Variants in SPMIP4 observed in about 807,000 individuals in gnomAD.
SPMIP4 encodes the protein sperm microtubule inner protein 4, also known as sperm-associated microtubule inner protein 4.
At chr7:25,137,421 C>T in the SPMIP4 span, among the ~76,000 whole-genome samples, 5 of 151,154 alleles carry the variant, frequency 3.3e-5, no homozygotes, top group South Asian at 2.1e-4. Flanking sequence ...AAACAAGTTG[C>T]GGAGTGTATT....
the SPMIP4 span, among the ~76,000 whole-genome samples, chr7:25,131,828 C>T: frequency 1.3e-5 from 2 of 152,204 alleles, no homozygotes; most frequent in African/African-American, 4.8e-5. The surrounding 1 kb of genome is among the most constrained non-coding windows in gnomAD (Gnocchi z 4.2). Flanking sequence ...GCACTTAGCC[C>T]TGCAGGAACA....
At chr7:25,129,412 C>A in the SPMIP4 span, among the ~76,000 whole-genome samples, 1 of 152,154 alleles carries the variant, frequency 6.6e-6, no homozygotes, top group African/African-American at 2.4e-5. Flanking sequence ...TGTGACAGGG[C>A]AGCACTGAGT....
At chr7:25,138,545 T>TCTAATA in the SPMIP4 span, among the ~76,000 whole-genome samples, 1 of 152,210 alleles carries the variant, frequency 6.6e-6, no homozygotes, top group Non-Finnish European at 1.5e-5. This position sits in a 1 kb window ranked among gnomAD's most constrained non-coding sequence, Gnocchi z 6.2. Context: ...GTTGCCATGT[T>TCTAATA]CTAATAAAAT....
chr7:25,149,236 T>TA, the SPMIP4 span, among the ~76,000 whole-genome samples: 78 of 151,638 alleles, frequency 5.1e-4, no homozygotes, highest in African/African-American at 1.4e-3. Context: ...CTTCATCTCT[T>TA]AAAAAAAAAT....
chr7:25,146,882 C>A, the SPMIP4 span, among the ~76,000 whole-genome samples: 1 of 152,146 alleles, frequency 6.6e-6, no homozygotes, highest in Non-Finnish European at 1.5e-5. Flanking sequence ...AGATTACATC[C>A]TAGAGACTAT....
At chr7:25,136,690 C>G in the SPMIP4 span, 1 of 1,614,136 alleles carries the variant, frequency 6.2e-7, no homozygotes, top group Non-Finnish European at 8.5e-7. The surrounding 1 kb of genome is among the most constrained non-coding windows in gnomAD (Gnocchi z 5.7). Flanking sequence ...GGAACGTGGT[C>G]TTTGCTGGAC....
chr7:25,159,241 T>C, the SPMIP4 span, among the ~76,000 whole-genome samples: 2 of 152,212 alleles, frequency 1.3e-5, no homozygotes, highest in Non-Finnish European at 2.9e-5. Context: ...GTACCATGTA[T>C]GCTTTCTACC....
At chr7:25,142,014 G>A in the SPMIP4 span, among the ~76,000 whole-genome samples, 1 of 152,228 alleles carries the variant, frequency 6.6e-6, no homozygotes, top group African/African-American at 2.4e-5. Context: ...GGGATTACAG[G>A]TGTGAGGCAC....
At chr7:25,161,100 C>T in the SPMIP4 span, 1 of 676,058 alleles carries the variant, frequency 1.5e-6, no homozygotes, top group African/African-American at 1.9e-5. Flanking sequence ...CTAAAAGTCC[C>T]CATTTGGGGC....
At chr7:25,144,885 T>A in the SPMIP4 span, among the ~76,000 whole-genome samples, 1 of 152,006 alleles carries the variant, frequency 6.6e-6, no homozygotes, top group African/African-American at 2.4e-5. Flanking sequence ...TATTCAGGGA[T>A]AAAGAAAGCC....
chr7:25,152,157 A>ATTTTTTTTTTTTTTTTTTTTTTT, the SPMIP4 span, among the ~76,000 whole-genome samples: 1 of 151,840 alleles, frequency 6.6e-6, no homozygotes, highest in Non-Finnish European at 1.5e-5. Flanking sequence ...CCTCTTTCTG[A>ATTTTTTTTTTTTTTTTTTTTTTT]TCTTTTTTTC....
the SPMIP4 span, among the ~76,000 whole-genome samples, chr7:25,162,606 A>G: frequency 6.6e-6 from 1 of 152,156 alleles, no homozygotes; most frequent in Non-Finnish European, 1.5e-5. Flanking sequence ...TATTCATTAG[A>G]TAGGCAAAAA....
the SPMIP4 span, among the ~76,000 whole-genome samples, chr7:25,164,535 T>A: frequency 6.6e-6 from 1 of 152,322 alleles, no homozygotes; most frequent in East Asian, 1.9e-4. Context: ...TTTTGGGTTG[T>A]TCTATCAAGT....
chr7:25,136,189 T>C, the SPMIP4 span: 55 of 1,614,118 alleles, frequency 3.4e-5, no homozygotes, highest in Admixed American at 5.0e-5. The surrounding 1 kb of genome is among the most constrained non-coding windows in gnomAD (Gnocchi z 5.7). Flanking sequence ...TGTTTCTTCA[T>C]TGTTTTCCAT....
the SPMIP4 span, among the ~76,000 whole-genome samples, chr7:25,178,023 A>G: frequency 6.6e-6 from 1 of 152,118 alleles, no homozygotes; most frequent in Non-Finnish European, 1.5e-5. Flanking sequence ...TGTGTACTCA[A>G]TGTTTAGCTC....
the SPMIP4 span, among the ~76,000 whole-genome samples, chr7:25,144,661 C>T: frequency 2.6e-5 from 4 of 152,170 alleles, no homozygotes; most frequent in Admixed American, 6.5e-5. Flanking sequence ...GGGCTCCAGA[C>T]GAACATATCC....
At chr7:25,174,058 C>T in the SPMIP4 span, among the ~76,000 whole-genome samples, 27 of 152,150 alleles carry the variant, frequency 1.8e-4, no homozygotes, top group African/African-American at 6.5e-4. This position sits in a 1 kb window ranked among gnomAD's most constrained non-coding sequence, Gnocchi z 4.5. Context: ...ATTATAGGCT[C>T]CCATTTGTTT....
At chr7:25,155,173 G>A in the SPMIP4 span, 1 of 1,552,236 alleles carries the variant, frequency 6.4e-7, no homozygotes. Flanking sequence ...TGTTCAATTG[G>A]ATATGGCAAG....
At chr7:25,180,343 G>T in the SPMIP4 span, 1 of 152,382 alleles carries the variant, frequency 6.6e-6, no homozygotes, top group African/African-American at 2.4e-5. Flanking sequence ...GGTCGGAGGC[G>T]AGAGGGGCTC....
Sources: allele counts gnomAD v4.1 joint callset (sites outside exome capture counted in the v4.1 genomes callset), GRCh38; gene constraint gnomAD v4.1.1; non-coding constraint Gnocchi (gnomAD v3.1); transcripts MANE v1.5; gene names NCBI Gene and HGNC (gene_info 2026-07-23, HGNC 2026-07-21).